HDAC9: variants seen among roughly 807,000 people sequenced by gnomAD.
HDAC9 encodes MEF-2 interacting transcription repressor (MITR) protein.
In HDAC9, 41 loss-of-function variants were observed where a neutral mutation model predicts 139.4. The ratio of observed to expected loss-of-function variants is 0.29; its 90% CI spans 0.23 to 0.38. The LOEUF is 0.38. HDAC9 is among the 10% of genes least tolerant of loss of function. The probability of loss-of-function intolerance (pLI) is 1.00; values close to 1 mark genes in which losing one functional copy is unlikely to be tolerated. For missense variants in HDAC9, 1,147 were observed against 1,297.0 expected (o/e 0.88, Z 1.78); for synonymous variants, 517 against 476.2 (o/e 1.09, Z -1.12).
chr7:18,334,047 C>A (rs1380866762), intron 1 of HDAC9, among the ~76,000 whole-genome samples: 1 of 151,218 alleles, frequency 6.6e-6, no homozygotes, highest in Non-Finnish European at 1.5e-5. Flanking sequence ...AAGGGAAAAA[C>A]TGGAGAAATA....
intron 19 of HDAC9, 34 bp from the exon 20 acceptor site, chr7:18,835,433 A>G: frequency 1.3e-6 from 2 of 1,595,674 alleles, no homozygotes; most frequent in African/African-American, 2.7e-5. Flanking sequence ...GTTAGACATG[A>G]CTGTATTTGT....
chr7:18,546,544 C>T (rs1814897546), intron 2 of HDAC9, among the ~76,000 whole-genome samples: 1 of 152,188 alleles, frequency 6.6e-6, no homozygotes, highest in South Asian at 2.1e-4. Flanking sequence ...CACCTTCTTT[C>T]TCCTTCTCAT....
chr7:18,484,325 A>G (rs1178813792), intron 1 of HDAC9, among the ~76,000 whole-genome samples: 1 of 151,704 alleles, frequency 6.6e-6, no homozygotes, highest in Non-Finnish European at 1.5e-5. Flanking sequence ...ACAGAGCAAG[A>G]TCCTATTAAA....
chr7:18,402,800 G>A (rs1033143300), intron 1 of HDAC9, among the ~76,000 whole-genome samples: 4 of 152,082 alleles, frequency 2.6e-5, no homozygotes, highest in African/African-American at 9.7e-5. Flanking sequence ...TACTGGCTAG[G>A]CACCTCTTTT....
At chr7:18,170,389 A>G (rs545180728) in intron 2 of HDAC9, among the ~76,000 whole-genome samples, 1 of 152,148 alleles carries the variant, frequency 6.6e-6, no homozygotes, top group South Asian at 2.1e-4. Flanking sequence ...CCCATTCTGT[A>G]GGTTGCCTGT....
chr7:18,442,046 A>G (rs1791824186), intron 1 of HDAC9, among the ~76,000 whole-genome samples: 1 of 152,200 alleles, frequency 6.6e-6, no homozygotes, highest in African/African-American at 2.4e-5. Context: ...CTAGGATTAC[A>G]GACGTGAGCC....
At chr7:18,705,873 ATAAAAT>A (rs1562868632) in intron 12 of HDAC9, among the ~76,000 whole-genome samples, 5 of 144,268 alleles carry the variant, frequency 3.5e-5, no homozygotes, top group East Asian at 2.0e-4. Context: ...ATAAAATAAA[ATAAAAT>A]AAAAGAAATG....
At chr7:18,971,839 C>T (rs574004797) in intron 24 of HDAC9, among the ~76,000 whole-genome samples, 1 of 152,108 alleles carries the variant, frequency 6.6e-6, no homozygotes, top group Non-Finnish European at 1.5e-5. Context: ...CAATTTTATC[C>T]AAAAAGGTCT....
chr7:18,952,817 GTTT>G (rs11410404), intron 23 of HDAC9, among the ~76,000 whole-genome samples: 1 of 141,854 alleles, frequency 7.0e-6, no homozygotes. Flanking sequence ...TGGTGGTGAT[GTTT>G]TTTTTTTTTT....
intron 16 of HDAC9, among the ~76,000 whole-genome samples, chr7:18,777,518 A>G (rs1562934027): frequency 1.3e-5 from 2 of 151,966 alleles, no homozygotes; most frequent in East Asian, 3.9e-4. Flanking sequence ...ATGACGTCTC[A>G]ATTTCTATAT....
At chr7:18,301,089 C>T (rs1437806286) in intron 1 of HDAC9, among the ~76,000 whole-genome samples, 3 of 151,590 alleles carry the variant, frequency 2.0e-5, no homozygotes, top group Non-Finnish European at 4.4e-5. Flanking sequence ...TTTTTTCCCG[C>T]AATGCAATTT....
intron 1 of HDAC9, among the ~76,000 whole-genome samples, chr7:18,315,730 A>T (rs915068376): frequency 2.6e-5 from 4 of 152,168 alleles, no homozygotes; most frequent in East Asian, 1.9e-4. Context: ...ATGTTGAGAG[A>T]TGCATATTTA....
intron 1 of HDAC9, among the ~76,000 whole-genome samples, chr7:18,465,405 G>C (rs577255220): frequency 1.3e-5 from 2 of 152,058 alleles, no homozygotes; most frequent in South Asian, 4.1e-4. Context: ...CCTTCACTGT[G>C]ATCCTTCATT....
chr7:18,288,716 G>T (rs951919929), upstream of HDAC9, among the ~76,000 whole-genome samples: 1 of 152,186 alleles, frequency 6.6e-6, no homozygotes, highest in African/African-American at 2.4e-5. Context: ...TGCTTGAGCA[G>T]CTTAATGCTC....
Position 18,835,591 on chromosome 7 carries a change from G to A in HDAC9, c.2586+5G>A, listed in dbSNP as rs1212515931. The A allele has an allele frequency of 7.4e-6, 12 of 1,613,504 alleles. No homozygotes were observed. The highest frequency in any genetic ancestry group is 2.7e-5 in the African/African-American group (2 of 74,904). On this transcript the variant is annotated splice_donor_5th_base_variant and intron_variant, in intron 20 of 25. Coordinates refer to ENST00000686413, the MANE Select transcript of HDAC9 (RefSeq NM_178425.4). ...GGCAGTGGAGCCCCAAATGAGGTTC[G>A]GTTTATTTCTTTAGAGCCCCACTTT...
chr7:18,624,158 T>G (rs1031630797), intron 6 of HDAC9, among the ~76,000 whole-genome samples: 1 of 152,158 alleles, frequency 6.6e-6, no homozygotes, highest in Admixed American at 6.5e-5. Context: ...TTTTTTAACC[T>G]TTGCTTCCGC....
intron 2 of HDAC9, among the ~76,000 whole-genome samples, chr7:18,504,287 T>G (rs182110359): frequency 6.6e-5 from 10 of 152,270 alleles, no homozygotes; most frequent in African/African-American, 1.9e-4. Flanking sequence ...AGTTGCTTAG[T>G]TCCAATTTTA....
At chr7:18,533,367 G>C (rs747895428) in intron 2 of HDAC9, among the ~76,000 whole-genome samples, 8 of 151,950 alleles carry the variant, frequency 5.3e-5, no homozygotes, top group Non-Finnish European at 1.0e-4. Flanking sequence ...GATTCTTGTA[G>C]CTTCTTTGTC....
At chr7:18,466,770 G>A (rs1286249219) in intron 1 of HDAC9, among the ~76,000 whole-genome samples, 2 of 152,110 alleles carry the variant, frequency 1.3e-5, no homozygotes, top group South Asian at 2.1e-4. Context: ...AAGACTAGGG[G>A]GGTGAAAATC....
Sources: allele counts gnomAD v4.1 joint callset (sites outside exome capture counted in the v4.1 genomes callset), GRCh38; gene constraint gnomAD v4.1.1; transcripts MANE v1.5; gene names NCBI Gene and HGNC (gene_info 2026-07-23, HGNC 2026-07-21).